Variants in APCDD1L observed in about 807,000 individuals in gnomAD.
The protein encoded by APCDD1L is APC down-regulated 1 like, also known as protein APCDD1-like.
Under a neutral mutation model 24.2 loss-of-function variants are expected in APCDD1L, and 21 were observed. The observed-to-expected ratio is 0.87, with a 90% confidence interval of 0.61 to 1.25. The LOEUF (loss-of-function observed/expected upper bound fraction) is 1.25. APCDD1L is among the 50% of genes most tolerant of loss of function. APCDD1L has a pLI of 0.00. For missense variants in APCDD1L, 704 were observed against 711.7 expected (o/e 0.99, Z 0.12); for synonymous variants, 321 against 323.6 (o/e 0.99, Z 0.09).
chr20:58,477,285 T>C (rs537468167), intron 1 of APCDD1L, among the ~76,000 whole-genome samples: 29 of 152,342 alleles, frequency 1.9e-4, no homozygotes, highest in African/African-American at 7.0e-4. Flanking sequence ...TCCAGGATCC[T>C]GCATTGTATT....
At chr20:58,480,304 G>A (rs1486043824) in intron 1 of APCDD1L, among the ~76,000 whole-genome samples, 1 of 152,206 alleles carries the variant, frequency 6.6e-6, no homozygotes, top group African/African-American at 2.4e-5. Flanking sequence ...GTTGAAGGCT[G>A]CCCGAGAAAG....
chr20:58,466,729 G>T (rs1011177572), intron 3 of APCDD1L, among the ~76,000 whole-genome samples: 1 of 152,188 alleles, frequency 6.6e-6, no homozygotes, highest in Non-Finnish European at 1.5e-5. Flanking sequence ...AACGGGGAAC[G>T]GTAGAATGGG....
chr20:58,473,700 G>T (rs192963827), intron 1 of APCDD1L, among the ~76,000 whole-genome samples: 307 of 152,278 alleles, frequency 2.0e-3, no homozygotes, highest in African/African-American at 7.1e-3. Context: ...TTTTTGCAGG[G>T]AAGTGATAGA....
intron 3 of APCDD1L, among the ~76,000 whole-genome samples, chr20:58,464,532 C>A (rs1989672859): frequency 6.6e-6 from 1 of 152,192 alleles, no homozygotes; most frequent in Non-Finnish European, 1.5e-5. Context: ...TGTACAGAAA[C>A]CAAACTCTTA....
chr20:58,464,774 G>A (rs1215068583), intron 3 of APCDD1L, among the ~76,000 whole-genome samples: 2 of 152,114 alleles, frequency 1.3e-5, no homozygotes, highest in Non-Finnish European at 2.9e-5. Flanking sequence ...GCCCCAGAGA[G>A]CTTAAGGCAA....
At chr20:58,476,384 T>C (rs1477079536) in intron 1 of APCDD1L, among the ~76,000 whole-genome samples, 1 of 152,134 alleles carries the variant, frequency 6.6e-6, no homozygotes, top group African/African-American at 2.4e-5. Context: ...AGAGACAGGG[T>C]TTCACCATGT....
chr20:58,462,402 C>A (rs1057137774), intron 3 of APCDD1L, among the ~76,000 whole-genome samples: 2 of 152,142 alleles, frequency 1.3e-5, no homozygotes, highest in Admixed American at 6.5e-5. Context: ...TGAGCTCCCC[C>A]TCTCATGTGC....
chr20:58,482,374 A>G (rs544570114), intron 1 of APCDD1L, among the ~76,000 whole-genome samples: 1 of 152,314 alleles, frequency 6.6e-6, no homozygotes, highest in South Asian at 2.1e-4. Context: ...TCTGAACCCT[A>G]TTTTTAAATT....
At chr20:58,513,263 C>T (rs1259113141) in intron 1 of APCDD1L, among the ~76,000 whole-genome samples, 1 of 152,154 alleles carries the variant, frequency 6.6e-6, no homozygotes, top group Non-Finnish European at 1.5e-5. Context: ...CCCTTGTCAC[C>T]CTTTCCAGTT....
intron 1 of APCDD1L, 136 bp from the exon 2 acceptor site, chr20:58,470,883 G>C: frequency 7.8e-7 from 1 of 1,287,564 alleles, no homozygotes; most frequent in Admixed American, 2.9e-5. Context: ...CCCGTCCCCA[G>C]GGTGCCCCAG....
In APCDD1L at chr20:58,467,298, C is replaced by A. The variant is rs577589695; in HGVS notation, c.549G>T (p.Gly183=). Residue 183 remains glycine (G), a synonymous_variant, in exon 3 of 4, where the codon GGG becomes GGT. Coordinates refer to ENST00000371149, the MANE Select transcript of APCDD1L (RefSeq NM_153360.3). The surrounding 1 kb of genome is among the most constrained non-coding windows in gnomAD (Gnocchi z 5.9). ...TGAGGCCCAGCGCCTCCAGGCAGTC[C>A]CCCTGAGCCCGGGCGCTCCGCAGCT... ...LYELRSARAQ[G]DCLEALGLTM... is the part of the protein sequence containing the mutation. 3.9e-6 allele frequency: 6 copies of A among 1,537,010 alleles called. No homozygotes were observed. The South Asian group carries it at 7.1e-5, about 18-fold the overall frequency.
rs116050690 is a variant in APCDD1L at position 58,501,681 on chromosome 20, C to A, written c.49+12978G>T. ...AAGTCCTGACAGTTCCACCTCCACA[C>A]GCACAGGGGAAGGGTCTCACCTCTC... On this transcript the variant is annotated intron_variant, in intron 1 of 3. Transcript: ENST00000371149. Among the ~76,000 whole-genome samples the A allele has an allele frequency of 3.3e-3, 505 of 152,342 alleles. 3 individuals carry two copies. Among genetic ancestry groups the A allele is most frequent in the African/African-American group, 0.012 (484 of 41,574 alleles).
In APCDD1L at chr20:58,503,372, T is replaced by G. The variant is rs559678844; in HGVS notation, c.49+11287A>C. On this transcript the variant is annotated intron_variant, in intron 1 of 3. Coordinates refer to ENST00000371149, the MANE Select transcript of APCDD1L (RefSeq NM_153360.3). ...AAATTGGAGTCCATCAGAATTTGGTTAAAGCTGATGGGCCAAACAGTAGAC... is the reference window on the plus strand; with the variant it reads ...AAATTGGAGTCCATCAGAATTTGGTGAAAGCTGATGGGCCAAACAGTAGAC... Among the ~76,000 whole-genome samples, 5 of 152,318 alleles carry G rather than the reference T, an allele frequency of 3.3e-5. No individual in the cohort carries two copies. The East Asian group carries it at 9.6e-4, about 29-fold the overall frequency.
At chr20:58,493,315 C>G (rs1990259344) in intron 1 of APCDD1L, among the ~76,000 whole-genome samples, 1 of 152,214 alleles carries the variant, frequency 6.6e-6, no homozygotes, top group South Asian at 2.1e-4. Context: ...TGGTTGGGCC[C>G]CACTAATGTG....
intron 1 of APCDD1L, among the ~76,000 whole-genome samples, chr20:58,476,314 C>T (rs1989908774): frequency 6.6e-6 from 1 of 152,226 alleles, no homozygotes; most frequent in South Asian, 2.1e-4. Flanking sequence ...CCTCAGCCTC[C>T]TGAGTAGCTG....
chr20:58,506,850 G>A (rs540100199), intron 1 of APCDD1L, among the ~76,000 whole-genome samples: 16 of 152,314 alleles, frequency 1.1e-4, no homozygotes, highest in Admixed American at 3.3e-4. Flanking sequence ...AATTCATGGT[G>A]CTTTCAAAGG....
chr20:58,460,871 G>T lies in APCDD1L; in HGVS notation c.1425C>A (p.His475Gln), dbSNP rs781742168. 6.3e-7 allele frequency: 1 copy of T among 1,586,854 alleles called. No homozygotes were observed. Among genetic ancestry groups the T allele is most frequent in the South Asian group, 1.1e-5 (1 of 87,290 alleles). The change falls in exon 4 of 4, where the codon CAC becomes CAA. Residue 475 changes from histidine to glutamine, a missense_variant. Transcript: ENST00000371149. The surrounding 1 kb of genome is among the most constrained non-coding windows in gnomAD (Gnocchi z 4.2). ...CTATGTGAAGACCCCCTGTGCTGGGGTGCTTCTGCAGCGATGGCCTGTGCT... is the reference window on the plus strand; with the variant it reads ...CTATGTGAAGACCCCCTGTGCTGGGTTGCTTCTGCAGCGATGGCCTGTGCT... The part of the protein sequence containing the change: ...PPQHRPSLQK[H>Q]PSTGGLHIAP...
chr20:58,499,404 G>A (rs6128355), intron 1 of APCDD1L, among the ~76,000 whole-genome samples: 84,400 of 152,008 alleles, frequency 0.56, 24,558 homozygotes, highest in East Asian at 0.91. Flanking sequence ...CCCCTCAGTT[G>A]TCCACACCTA....
chr20:58,487,925 C>G (rs1172166084), intron 1 of APCDD1L, among the ~76,000 whole-genome samples: 2 of 152,092 alleles, frequency 1.3e-5, no homozygotes, highest in Admixed American at 1.3e-4. Flanking sequence ...ACACAATGAA[C>G]AAGTTTAATT....
Sources: gnomAD v4.1 joint callset for allele counts (sites outside exome capture counted in the v4.1 genomes callset) on GRCh38, gnomAD v4.1.1 for gene constraint, Gnocchi (gnomAD v3.1) non-coding constraint, MANE v1.5 for transcripts, NCBI Gene and HGNC (gene_info 2026-07-23, HGNC 2026-07-21) for gene names.